LDLRAD3: variants seen among roughly 807,000 people sequenced by gnomAD.
LDLRAD3 encodes low-density lipoprotein receptor class A domain-containing protein 3.
A neutral mutation model predicts 29.4 loss-of-function variants in LDLRAD3; 20 were observed. That is an observed-to-expected ratio of 0.68 (90% confidence interval 0.48 to 0.99). The LOEUF (loss-of-function observed/expected upper bound fraction) is 0.99, where lower values mean the gene tolerates loss of function less well. Ranked by LOEUF, LDLRAD3 falls within the 50% of genes least tolerant of loss-of-function variation. The pLI is 0.00. For missense variants in LDLRAD3, 420 were observed against 454.3 expected (o/e 0.92, Z 0.69); for synonymous variants, 157 against 192.7 (o/e 0.81, Z 1.53).
At chr11:36,048,290 C>G (rs1017417804) in intron 2 of LDLRAD3, among the ~76,000 whole-genome samples, 1 of 152,196 alleles carries the variant, frequency 6.6e-6, no homozygotes, top group Admixed American at 6.5e-5. Context: ...ATCCAGGGAT[C>G]TCTTGATAGT....
intron 4 of LDLRAD3, among the ~76,000 whole-genome samples, chr11:36,203,700 T>C (rs531561481): frequency 2.6e-5 from 4 of 152,056 alleles, no homozygotes; most frequent in African/African-American, 7.2e-5. Context: ...GAAGTGTAGA[T>C]TGTCCCTCAC....
chr11:36,024,347 T>TATATCC (rs1221013351), intron 1 of LDLRAD3, among the ~76,000 whole-genome samples: 1 of 151,994 alleles, frequency 6.6e-6, no homozygotes, highest in Admixed American at 6.6e-5. Context: ...TATCCATATC[T>TATATCC]ATATCTATAG....
intron 4 of LDLRAD3, among the ~76,000 whole-genome samples, chr11:36,140,992 T>TGCTCTCTCTCTCTCTCTC (rs1854073899): frequency 9.1e-6 from 1 of 109,996 alleles, no homozygotes; most frequent in Non-Finnish European, 1.9e-5. Context: ...CTGTTGAGCT[T>TGCTCTCTCTCTCTCTCTC]TCTCTCTCTC....
At chr11:36,109,262 T>A (rs904532506) in intron 4 of LDLRAD3, among the ~76,000 whole-genome samples, 20 of 151,570 alleles carry the variant, frequency 1.3e-4, no homozygotes, top group African/African-American at 4.1e-4. Context: ...GAAGCTGGAG[T>A]GGTCCGTGGT....
chr11:35,961,933 A>C (rs1292316345), intron 1 of LDLRAD3, among the ~76,000 whole-genome samples: 2 of 152,116 alleles, frequency 1.3e-5, no homozygotes, highest in African/African-American at 4.8e-5. Context: ...TAAAATGTAC[A>C]ATGAGGATAT....
At chr11:36,162,176 C>T (rs7941515) in intron 4 of LDLRAD3, among the ~76,000 whole-genome samples, 9,848 of 152,114 alleles carry the variant, frequency 0.065, 1,044 homozygotes, top group African/African-American at 0.22. Context: ...TTTTAAGCCA[C>T]GGTGGGGGCA....
At chr11:36,217,736 GC>G in intron 4 of LDLRAD3, among the ~76,000 whole-genome samples, 1 of 152,288 alleles carries the variant, frequency 6.6e-6, no homozygotes, top group East Asian at 1.9e-4. Flanking sequence ...TCTGTTCCAT[GC>G]CTCATTCCTA....
At chr11:36,130,945 A>T (rs1162877187) in intron 4 of LDLRAD3, among the ~76,000 whole-genome samples, 1 of 152,128 alleles carries the variant, frequency 6.6e-6, no homozygotes, top group African/African-American at 2.4e-5. Flanking sequence ...GTCTTTATCT[A>T]ACCCTGCTGG....
At chr11:36,144,849 A>G (rs1590305483) in intron 4 of LDLRAD3, among the ~76,000 whole-genome samples, 1 of 87,938 alleles carries the variant, frequency 1.1e-5, no homozygotes, top group Admixed American at 1.2e-4. Context: ...TCCGGGAGGG[A>G]GGTGGGGGGG....
At chr11:36,051,474 C>T (rs898200129) in intron 2 of LDLRAD3, among the ~76,000 whole-genome samples, 24 of 152,198 alleles carry the variant, frequency 1.6e-4, no homozygotes, top group Non-Finnish European at 3.1e-4. Flanking sequence ...GAATAGTTCC[C>T]GTGTCACGGG....
chr11:35,957,812 AAAAGAAAAG>A (rs1192918216), intron 1 of LDLRAD3, among the ~76,000 whole-genome samples: 9 of 124,172 alleles, frequency 7.2e-5, no homozygotes, highest in African/African-American at 2.6e-4. Context: ...AAAAAAAAAA[AAAAGAAAAG>A]AAAAGAAAAA....
intron 1 of LDLRAD3, among the ~76,000 whole-genome samples, chr11:35,946,969 A>G (rs1289776882): frequency 6.6e-6 from 1 of 152,072 alleles, no homozygotes; most frequent in African/African-American, 2.4e-5. Flanking sequence ...AAGGCTCCCT[A>G]CTGGGGTGTG....
At position 36,004,360 on chromosome 11, in the gene LDLRAD3, C is replaced by T. The variant is rs138382038; in HGVS notation, c.47-31743C>T. Among the ~76,000 whole-genome samples, 870 of 152,278 alleles carry T rather than the reference C, an allele frequency of 5.7e-3. 9 individuals carry two copies. The highest frequency in any genetic ancestry group is 0.019 in the African/African-American group (795 of 41,544). On this transcript the variant is annotated intron_variant, in intron 1 of 5. Transcript: ENST00000315571. ...TGTAGTCCCCACACAAGTCTGAAAC[C>T]CAGCAGGGCAGTCATTAAATCTTAA...
intron 4 of LDLRAD3, among the ~76,000 whole-genome samples, chr11:36,142,636 G>C (rs1854103001): frequency 6.6e-6 from 1 of 152,122 alleles, no homozygotes; most frequent in South Asian, 2.1e-4. Context: ...AAAGAAGCCA[G>C]GTGGGAGGGG....
At chr11:36,131,927 C>T (rs370527344) in intron 4 of LDLRAD3, among the ~76,000 whole-genome samples, 19 of 152,270 alleles carry the variant, frequency 1.2e-4, no homozygotes, top group South Asian at 1.2e-3. Flanking sequence ...TGCCATCTAG[C>T]GTCTGTGGGA....
chr11:35,981,226 G>T lies in LDLRAD3; in HGVS notation c.46+37082G>T, dbSNP rs1009077030. Among the ~76,000 whole-genome samples, 5 of 152,000 alleles carry T rather than the reference G, an allele frequency of 3.3e-5. No homozygotes were observed. The East Asian group carries it at 7.8e-4, about 24-fold the overall frequency. The stretch of plus-strand genomic sequence containing the variant: ...AGCGGGCGGGGGTTGGGGGTGGGGG[G>T]GCTGAGTCAGAGGGAGGGAGGGTTT... On this transcript the variant is annotated intron_variant, in intron 1 of 5. Transcript: ENST00000315571.
chr11:36,137,300 T>G (rs1192426255), intron 4 of LDLRAD3, among the ~76,000 whole-genome samples: 4 of 152,226 alleles, frequency 2.6e-5, no homozygotes, highest in African/African-American at 9.6e-5. Flanking sequence ...TAATATCCTT[T>G]GCCTGCCTGA....
intron 4 of LDLRAD3, among the ~76,000 whole-genome samples, chr11:36,217,584 C>T (rs936057088): frequency 2.6e-5 from 4 of 152,160 alleles, no homozygotes; most frequent in Admixed American, 2.0e-4. Flanking sequence ...AGGGTGTATT[C>T]GTTTGCTAGG....
At chr11:36,006,896 A>G (rs1851892106) in intron 1 of LDLRAD3, among the ~76,000 whole-genome samples, 1 of 152,140 alleles carries the variant, frequency 6.6e-6, no homozygotes, top group Non-Finnish European at 1.5e-5. Flanking sequence ...CCTGCAGGGG[A>G]AGTCGCACTT....
Sources: allele counts gnomAD v4.1 joint callset (sites outside exome capture counted in the v4.1 genomes callset), GRCh38; gene constraint gnomAD v4.1.1; transcripts MANE v1.5; gene names NCBI Gene and HGNC (gene_info 2026-07-23, HGNC 2026-07-21).